The following ECT2 variants were observed in gnomAD, a reference collection of about 807,000 sequenced individuals.
ECT2 encodes the protein protein ECT2.
Under a neutral mutation model 116.9 loss-of-function variants are expected in ECT2, and 61 were observed. The ratio of observed to expected loss-of-function variants is 0.52; its 90% CI spans 0.42 to 0.65. The LOEUF (loss-of-function observed/expected upper bound fraction) is 0.65. Among genes scored for constraint, ECT2 ranks in the 30% least tolerant of loss-of-function variants. The probability of loss-of-function intolerance (pLI) is 0.00; values close to 1 mark genes in which losing one functional copy is unlikely to be tolerated. For missense variants in ECT2, 937 were observed against 1,078.7 expected (o/e 0.87, Z 1.84); for synonymous variants, 358 against 346.4 (o/e 1.03, Z -0.37).
intron 14 of ECT2, among the ~76,000 whole-genome samples, chr3:172,776,198 CTTTTTTTTTTT>C (rs60558773): frequency 1.8e-5 from 2 of 111,592 alleles, no homozygotes; most frequent in Non-Finnish European, 3.6e-5. Flanking sequence ...TCAGTTTTTT[CTTTTTTTTTTT>C]TTTTTTTTTT....
Position 172,807,855 on chromosome 3 carries a change from A to G in ECT2, c.2331A>G (p.Glu777=). Residue 777 remains glutamate, a synonymous_variant, in exon 22 of 25, where the codon GAA becomes GAG. Transcript: ENST00000392692. The part of the protein sequence containing the change: ...VLLSFQMTSD[E]LPKENWLKML... ...TCAGTTTCCAGATGACATCAGATGAACTTCCAAAAGAAAACTGGCTAAAGA... is the reference window on the plus strand; with the variant it reads ...TCAGTTTCCAGATGACATCAGATGAGCTTCCAAAAGAAAACTGGCTAAAGA... The G allele has an allele frequency of 6.2e-7, 1 of 1,613,992 alleles. No homozygotes were observed. Among genetic ancestry groups the G allele is most frequent in the Non-Finnish European group, 8.5e-7 (1 of 1,179,878 alleles).
At chr3:172,803,830 G>T (rs1242262130) in intron 20 of ECT2, among the ~76,000 whole-genome samples, 3 of 150,290 alleles carry the variant, frequency 2.0e-5, no homozygotes, top group Non-Finnish European at 4.4e-5. Flanking sequence ...TTTCGACAGG[G>T]TCTTACTCTC....
In ECT2 at chr3:172,805,998, T is replaced by G. The variant is rs1324926388; in HGVS notation, c.2245+129T>G. ...AATATAGTTGGTCAGACTGCTAAAGTAATTGTTCTTGCACCTCTATCCCAT... is the reference window on the plus strand; with the variant it reads ...AATATAGTTGGTCAGACTGCTAAAGGAATTGTTCTTGCACCTCTATCCCAT... On this transcript the variant is annotated intron_variant, in intron 21 of 24. Transcript: ENST00000392692. 10 of 968,762 alleles carry G rather than the reference T, an allele frequency of 1.0e-5. No homozygotes were observed. The Middle Eastern group carries it at 1.3e-3, about 130-fold the overall frequency. 60.0% of individuals were successfully genotyped at this position (968,762 alleles called of 1,614,324 possible).
At chr3:172,754,470 C>A in intron 1 of ECT2, 39 bp from the exon 2 acceptor site, 3 of 1,428,064 alleles carry the variant, frequency 2.1e-6, no homozygotes, top group Admixed American at 2.6e-5. Flanking sequence ...TGCCCAATGA[C>A]CATGTTTATG....
At chr3:172,788,551 G>A (rs911766003) in intron 18 of ECT2, among the ~76,000 whole-genome samples, 4 of 152,026 alleles carry the variant, frequency 2.6e-5, no homozygotes, top group East Asian at 1.9e-4. Context: ...CAAGGCAACC[G>A]TCTATCACTG....
At chr3:172,823,761 A>C (rs1730777024), downstream of ECT2, among the ~76,000 whole-genome samples, 1 of 152,216 alleles carries the variant, frequency 6.6e-6, no homozygotes, top group African/African-American at 2.4e-5. Context: ...CTTACAAAAA[A>C]AAAGTTAAAG....
chr3:172,800,281 G>A (rs1726481132), intron 18 of ECT2, among the ~76,000 whole-genome samples: 1 of 152,146 alleles, frequency 6.6e-6, no homozygotes, highest in African/African-American at 2.4e-5. Context: ...AAATGGCCTA[G>A]TGTAATCCTA....
Position 172,802,919 on chromosome 3 carries a change from G to C in ECT2, c.2045G>C (p.Gly682Ala). ...CAGCGGGTTGAAACAATTTCTCTAG[G>C]TGAGCACCCCTGTGACAGAGGAGAA... is the stretch of plus-strand genomic sequence containing the variant. ...LVQRVETISL[G>A]EHPCDRGEQV... is the part of the protein sequence containing the mutation. Residue 682 changes from glycine to alanine, a missense_variant, in exon 20 of 25, where the codon GGT becomes GCT. By Grantham distance (60) the Gly-to-Ala change is moderately conservative. Transcript: ENST00000392692. The C allele has an allele frequency of 1.2e-6, 2 of 1,613,190 alleles. No homozygotes were observed. The highest frequency in any genetic ancestry group is 1.7e-6 in the Non-Finnish European group (2 of 1,179,518).
chr3:172,779,126 AT>A (rs990257993), intron 14 of ECT2, among the ~76,000 whole-genome samples: 1 of 152,172 alleles, frequency 6.6e-6, no homozygotes, highest in African/African-American at 2.4e-5. Flanking sequence ...TACATTCCTT[AT>A]TTTTCAGAAT....
chr3:172,817,300 T>C (rs1256158060), intron 24 of ECT2, among the ~76,000 whole-genome samples: 3 of 152,118 alleles, frequency 2.0e-5, no homozygotes, highest in Admixed American at 2.0e-4. Context: ...ACCTCTTTAT[T>C]GGGTAAAGGC....
Position 172,773,918 on chromosome 3 carries a change from T to C in ECT2, c.1444T>C (p.Leu482=), listed in dbSNP as rs61747132. 1.6e-3 allele frequency: 2,563 copies of C among 1,613,462 alleles called. 34 individuals are homozygous for C. In the African/African-American group the frequency reaches 0.029, roughly 18 times the overall value. The change falls in exon 14 of 25, where the codon TTG becomes CTG. Residue 482 remains leucine, a synonymous_variant. Transcript: ENST00000392692. ...ATIIQLFQVP[L]EEEGQRGGPI... ...TCTCATTTAGTTATTTCAAGTACCATTGGAAGAGGAAGGACAACGTGGTGG... is the reference window on the plus strand; with the variant it reads ...TCTCATTTAGTTATTTCAAGTACCACTGGAAGAGGAAGGACAACGTGGTGG...
At chr3:172,768,019 A>G (rs1719846555) in intron 12 of ECT2, among the ~76,000 whole-genome samples, 1 of 152,182 alleles carries the variant, frequency 6.6e-6, no homozygotes, top group Non-Finnish European at 1.5e-5. Context: ...GGAGTGAGCC[A>G]CCGTGCCTGG....
At chr3:172,756,461 A>G (rs1717010908) in intron 4 of ECT2, among the ~76,000 whole-genome samples, 1 of 152,134 alleles carries the variant, frequency 6.6e-6, no homozygotes, top group Non-Finnish European at 1.5e-5. Context: ...TTTCTCATAT[A>G]TCTTACATAT....
At chr3:172,763,052 A>G in intron 11 of ECT2, 80 bp downstream of exon 11, 2 of 1,442,108 alleles carry the variant, frequency 1.4e-6, no homozygotes, top group Non-Finnish European at 1.9e-6. Flanking sequence ...GAAGGTTTAG[A>G]AGCATGTTTA....
intron 15 of ECT2, among the ~76,000 whole-genome samples, 189 bp downstream of exon 15, chr3:172,782,420 G>A (rs73880277): frequency 0.093 from 14,196 of 152,162 alleles, 1,225 homozygotes; most frequent in African/African-American, 0.22. Context: ...TAACACTTTA[G>A]TAGCCCAAGA....
intron 5 of ECT2, among the ~76,000 whole-genome samples, chr3:172,758,754 TTATG>T (rs1203512916): frequency 6.6e-6 from 1 of 152,238 alleles, no homozygotes; most frequent in Non-Finnish European, 1.5e-5. Flanking sequence ...TGTGTTTAGA[TTATG>T]TATATTGCAT....
chr3:172,823,447 A>G (rs1730767112), downstream of ECT2, among the ~76,000 whole-genome samples: 1 of 152,162 alleles, frequency 6.6e-6, no homozygotes. Context: ...AAATCTAAAT[A>G]TTTGACAGTG....
intron 1 of ECT2, among the ~76,000 whole-genome samples, chr3:172,753,637 G>A (rs901622055): frequency 6.6e-6 from 1 of 152,214 alleles, no homozygotes; most frequent in African/African-American, 2.4e-5. Context: ...GATGAGTCAA[G>A]AGTGTTGGAT....
At chr3:172,752,592 G>A (rs905967970) in intron 1 of ECT2, 1 of 151,972 alleles carries the variant, frequency 6.6e-6, no homozygotes, top group Admixed American at 6.5e-5. Context: ...TAAAATAATA[G>A]GGCTGGATAG....
Sources: gnomAD v4.1 joint callset for allele counts (sites outside exome capture counted in the v4.1 genomes callset) on GRCh38, gnomAD v4.1.1 for gene constraint, MANE v1.5 for transcripts, NCBI Gene and HGNC (gene_info 2026-07-23, HGNC 2026-07-21) for gene names.